Variants in KANSL1L observed in about 807,000 individuals in gnomAD.
KANSL1L encodes the protein KAT8 regulatory NSL complex subunit 1 like.
KANSL1L carries 25 observed loss-of-function variants against 108.6 expected under a neutral mutation model. The observed-to-expected ratio is 0.23, with a 90% confidence interval of 0.17 to 0.32. The LOEUF (loss-of-function observed/expected upper bound fraction) is 0.32. Among genes scored for constraint, KANSL1L ranks in the 10% least tolerant of loss-of-function variants. KANSL1L has a pLI of 1.00. For synonymous variants in KANSL1L, 405 were observed against 395.1 expected (o/e 1.03, Z -0.30); for missense variants, 1,137 against 1,125.7 (o/e 1.01, Z -0.14).
chr2:210,116,148 G>A, intron 3 of KANSL1L, among the ~76,000 whole-genome samples: 1 of 152,192 alleles, frequency 6.6e-6, no homozygotes, highest in East Asian at 1.9e-4. Flanking sequence ...CCGTAGACAG[G>A]CAGTACTTGC....
At chr2:210,141,197 TTTC>T (rs760760356) in intron 2 of KANSL1L, among the ~76,000 whole-genome samples, 7 of 126,230 alleles carry the variant, frequency 5.5e-5, no homozygotes, top group African/African-American at 1.2e-4. Flanking sequence ...CCTTTCTCTT[TTTC>T]TTTTTTCTTT....
At chr2:210,125,563 A>T (rs910941197) in intron 3 of KANSL1L, among the ~76,000 whole-genome samples, 5 of 152,216 alleles carry the variant, frequency 3.3e-5, no homozygotes, top group African/African-American at 1.2e-4. Context: ...TACAGAAGTG[A>T]TCAACCAAAA....
At chr2:210,057,004 A>G (rs1197551772) in intron 6 of KANSL1L, among the ~76,000 whole-genome samples, 2 of 152,066 alleles carry the variant, frequency 1.3e-5, no homozygotes, top group Admixed American at 6.6e-5. Flanking sequence ...CCTTTGCTGT[A>G]AATTCCATCC....
Position 210,040,421 on chromosome 2 carries a change from A to T in KANSL1L, c.2028T>A (p.Pro676=), listed in dbSNP as rs1232701268. The T allele has an allele frequency of 7.6e-7, 1 of 1,323,832 alleles. No individual in the cohort carries two copies. Among genetic ancestry groups the T allele is most frequent in the Non-Finnish European group, 1.1e-6 (1 of 917,684 alleles). 82.0% of individuals were successfully genotyped at this position (1,323,832 alleles called of 1,614,324 possible). A position where few individuals can be genotyped will look rare whatever the true frequency, so the allele number is the denominator to read the frequency against. Reference sequence around the variant, plus strand: ...ACAAGAACTGTAAATGTGACATACCAGGTGATGGAGATATGATATATTCAT... The same window carrying T: ...ACAAGAACTGTAAATGTGACATACCTGGTGATGGAGATATGATATATTCAT... ...FVDEYIISPS[P]VHSTLNQWRN... The change falls in exon 8 of 15, where the codon CCT becomes CCA. Residue 676 remains proline (P), a splice_region_variant and synonymous_variant. Coordinates refer to ENST00000281772, the MANE Select transcript of KANSL1L (RefSeq NM_152519.4).
intron 4 of KANSL1L, among the ~76,000 whole-genome samples, chr2:210,100,212 C>G (rs2094780305): frequency 6.6e-6 from 1 of 152,084 alleles, no homozygotes; most frequent in South Asian, 2.1e-4. Context: ...TAGGTTGCTG[C>G]TCCTTATAAG....
chr2:210,107,686 G>A (rs1413813289), intron 3 of KANSL1L, among the ~76,000 whole-genome samples: 8 of 151,536 alleles, frequency 5.3e-5, no homozygotes, highest in African/African-American at 1.5e-4. Context: ...CCGCCACCAC[G>A]CCCGGCTAAT....
Position 210,153,898 on chromosome 2 carries a change from T to C in KANSL1L, c.685A>G (p.Ser229Gly), listed in dbSNP as rs772978766. The C allele has an allele frequency of 1.2e-6, 2 of 1,612,772 alleles. No homozygotes were observed. Among genetic ancestry groups the C allele is most frequent in the South Asian group, 1.1e-5 (1 of 90,744 alleles). Residue 229 changes from serine (S) to glycine (G), a missense_variant, in exon 2 of 15, where the codon AGC becomes GGC. Coordinates refer to ENST00000281772, the MANE Select transcript of KANSL1L (RefSeq NM_152519.4). Reference sequence around the variant, plus strand: ...TGGCTAAGTAAAATTTTCTGTTTGCTTACACAATGAAGTAAACGAGCATGT... The same window carrying C: ...TGGCTAAGTAAAATTTTCTGTTTGCCTACACAATGAAGTAAACGAGCATGT... ...EVHARLLHCV[S>G]KQKILLSQAR... is the part of the protein sequence containing the mutation.
intron 4 of KANSL1L, among the ~76,000 whole-genome samples, chr2:210,100,079 G>A (rs1178208738): frequency 1.3e-5 from 2 of 152,160 alleles, no homozygotes; most frequent in Non-Finnish European, 2.9e-5. Flanking sequence ...AGGCTGCACA[G>A]CAGGAGGTGG....
At chr2:210,072,406 T>C (rs1244394284) in intron 6 of KANSL1L, among the ~76,000 whole-genome samples, 1 of 152,238 alleles carries the variant, frequency 6.6e-6, no homozygotes, top group East Asian at 1.9e-4. Flanking sequence ...TGTTTCTGTA[T>C]ATATAGTTAC....
chr2:210,096,715 A>T (rs1223184037), intron 5 of KANSL1L: 1 of 957,106 alleles, frequency 1.0e-6, no homozygotes, highest in African/African-American at 1.8e-5. Flanking sequence ...TATCATAGTT[A>T]TCCTATACAA....
chr2:210,073,187 A>G (rs1559534155), intron 6 of KANSL1L, among the ~76,000 whole-genome samples: 1 of 152,240 alleles, frequency 6.6e-6, no homozygotes, highest in East Asian at 1.9e-4. Context: ...ACGATGTTCC[A>G]GGATAATCAT....
chr2:210,151,559 T>C (rs1367801338), intron 2 of KANSL1L: 1 of 152,120 alleles, frequency 6.6e-6, no homozygotes, highest in Admixed American at 6.5e-5. Context: ...TACAAGAGAA[T>C]AAGTATGTGT....
intron 3 of KANSL1L, among the ~76,000 whole-genome samples, chr2:210,123,388 T>A (rs139524933): frequency 0.012 from 1,883 of 152,226 alleles, 43 homozygotes; most frequent in African/African-American, 0.043. Flanking sequence ...ACAACGTGGA[T>A]GGAACTGAAG....
intron 8 of KANSL1L, among the ~76,000 whole-genome samples, chr2:210,035,983 C>T (rs1175332190): frequency 1.3e-5 from 2 of 152,158 alleles, no homozygotes; most frequent in African/African-American, 4.8e-5. Flanking sequence ...CCCGAAGTAA[C>T]TTGCTTACAT....
chr2:210,097,913 T>C lies in KANSL1L; in HGVS notation c.1550+173A>G, dbSNP rs557003210. ...ATTCCTAGATTTATCATTACCTTAA[T>C]TGTGTAAATTTAATATTATCAAAAA... is the stretch of plus-strand genomic sequence containing the variant. On this transcript the variant is annotated intron_variant, in intron 5 of 14. Transcript: ENST00000281772. 29 of 387,908 alleles carry C rather than the reference T, an allele frequency of 7.5e-5. No individual in the cohort carries two copies. In the South Asian group the frequency reaches 8.8e-4, roughly 12 times the overall value. 24.0% of individuals were successfully genotyped at this position (387,908 alleles called of 1,614,324 possible).
At chr2:210,156,725 T>C (rs1360733055) in intron 1 of KANSL1L, among the ~76,000 whole-genome samples, 5 of 152,074 alleles carry the variant, frequency 3.3e-5, no homozygotes, top group Non-Finnish European at 7.4e-5. Context: ...GAAACAGAAC[T>C]AAAAGTGATA....
At chr2:210,069,902 C>G (rs1234165278) in intron 6 of KANSL1L, among the ~76,000 whole-genome samples, 1 of 130,868 alleles carries the variant, frequency 7.6e-6, no homozygotes, top group East Asian at 2.4e-4. Context: ...GATCTCTGCT[C>G]ACGGTAACCT....
chr2:210,028,916 A>T lies in KANSL1L; in HGVS notation c.2325T>A (p.Ile775=). Residue 775 remains isoleucine (I), a synonymous_variant, in exon 11 of 15, where the codon ATT becomes ATA. Coordinates refer to ENST00000281772, the MANE Select transcript of KANSL1L (RefSeq NM_152519.4). ...GGGCTACTAATGACATGGGAATCAC[A>T]ATGTTATCTATGTCATAAGAGCTCT... ...RSESSYDIDN[I]VIPMSLVAPA... is the part of the protein sequence containing the mutation. The T allele has an allele frequency of 6.2e-7, 1 of 1,604,376 alleles. No homozygotes were observed. Among genetic ancestry groups the T allele is most frequent in the Non-Finnish European group, 8.5e-7 (1 of 1,171,788 alleles).
chr2:210,027,175 A>G, intron 12 of KANSL1L, 121 bp downstream of exon 12: 1 of 622,924 alleles, frequency 1.6e-6, no homozygotes, highest in Non-Finnish European at 2.8e-6. Context: ...TCATAAGTGA[A>G]AAGAAAAAAA....
Sources: allele counts gnomAD v4.1 joint callset (sites outside exome capture counted in the v4.1 genomes callset), GRCh38; gene constraint gnomAD v4.1.1; transcripts MANE v1.5; gene names NCBI Gene and HGNC (gene_info 2026-07-23, HGNC 2026-07-21).